HIP1: variants seen among roughly 807,000 people sequenced by gnomAD.
HIP1 encodes huntingtin-interacting protein 1.
In HIP1, 65 loss-of-function variants were observed where a neutral mutation model predicts 147.6. The ratio of observed to expected loss-of-function variants is 0.44; its 90% CI spans 0.36 to 0.54. HIP1 has a LOEUF of 0.54. HIP1 is among the 20% of genes least tolerant of loss of function. The pLI is 0.00. For synonymous variants in HIP1, 479 were observed against 504.0 expected (o/e 0.95, Z 0.67); for missense variants, 1,061 against 1,299.6 (o/e 0.82, Z 2.82).
At chr7:75,678,070 G>A (rs990061060) in intron 1 of HIP1, among the ~76,000 whole-genome samples, 21 of 151,862 alleles carry the variant, frequency 1.4e-4, no homozygotes, top group Admixed American at 4.6e-4. Context: ...CTTGCTTACT[G>A]TCTGATTTCT....
In HIP1 at chr7:75,719,806, C is replaced by G. The variant is rs115615928; in HGVS notation, c.120+18995G>C. 7.1e-3 allele frequency among the ~76,000 whole-genome samples: 1,076 copies of G among 152,254 alleles called. 13 individuals are homozygous for G. Among genetic ancestry groups the G allele is most frequent in the African/African-American group, 0.025 (1,028 of 41,568 alleles). On this transcript the variant is annotated intron_variant, in intron 1 of 30. Transcript: ENST00000336926. ...TCTCTGTAAAACAGTCTGCCTGATA[C>G]CCATAGCAGGTAAACTGTCTGGTTC... is the stretch of plus-strand genomic sequence containing the variant.
At chr7:75,576,625 G>C (rs900458952) in intron 7 of HIP1, among the ~76,000 whole-genome samples, 7 of 152,164 alleles carry the variant, frequency 4.6e-5, no homozygotes, top group Non-Finnish European at 8.8e-5. Context: ...AGGAGGCTGA[G>C]GCACAAGAAT....
intron 1 of HIP1, among the ~76,000 whole-genome samples, chr7:75,615,503 G>T (rs1013479341): frequency 1.3e-5 from 2 of 151,448 alleles, no homozygotes; most frequent in Non-Finnish European, 2.9e-5. Context: ...AGTGAGCTAT[G>T]ACTGTGCCAC....
At chr7:75,594,009 C>G (rs71560477) in intron 2 of HIP1, among the ~76,000 whole-genome samples, 1 of 151,218 alleles carries the variant, frequency 6.6e-6, no homozygotes, top group African/African-American at 2.4e-5. Context: ...GGGTGGAGCG[C>G]GGTGGCTCAC....
intron 1 of HIP1, among the ~76,000 whole-genome samples, chr7:75,629,627 C>CG (rs1798148149): frequency 6.6e-6 from 1 of 151,956 alleles, no homozygotes; most frequent in South Asian, 2.1e-4. Flanking sequence ...ACTGCAACCT[C>CG]CGCCTCCCAG....
At chr7:75,725,309 C>A (rs1410457471) in intron 1 of HIP1, among the ~76,000 whole-genome samples, 1 of 152,064 alleles carries the variant, frequency 6.6e-6, no homozygotes, top group Non-Finnish European at 1.5e-5. Context: ...TACAGGCATG[C>A]GGCACCATGC....
chr7:75,548,963 C>T lies in HIP1; in HGVS notation c.2334G>A (p.Glu778=). Residue 778 remains glutamate, a synonymous_variant, in exon 23 of 31, where the codon GAG becomes GAA. Coordinates refer to ENST00000336926, the MANE Select transcript of HIP1 (RefSeq NM_005338.7). The part of the protein sequence containing the change: ...LPRGLDIKQE[E]LGDLVDKEMA... ...TCTCCTTGTCCACCAGGTCCCCCAG[C>T]TCCTCCTGCTTGATGTCCAGTCCCC... 6.2e-7 allele frequency: 1 copy of T among 1,614,112 alleles called. No individual in the cohort carries two copies. The highest frequency in any genetic ancestry group is 2.2e-5 in the East Asian group (1 of 44,884).
chr7:75,595,187 C>CCTTTCTTTCTTT lies in HIP1; in HGVS notation c.185-2685_185-2674dup, dbSNP rs587760351. Among the ~76,000 whole-genome samples the CCTTTCTTTCTTT allele has an allele frequency of 3.2e-3, 352 of 108,466 alleles. 6 individuals carry two copies. Among genetic ancestry groups the CCTTTCTTTCTTT allele is most frequent in the Admixed American group, 4.5e-3 (45 of 9,964 alleles). The allele number at this position is 108,466 out of a possible 152,430, so 71.2% of individuals were successfully genotyped here. ...TAAAATCAGCTTTTGGTGTAGGAGTCCTTTCTTTCTTTCTTTCTTTCTTTC... is the reference window on the plus strand; with the variant it reads ...TAAAATCAGCTTTTGGTGTAGGAGTCCTTTCTTTCTTTCTTTCTTTCTTTCTTTCTTTCTTTC... On this transcript the variant is annotated intron_variant, in intron 2 of 30. Coordinates refer to ENST00000336926, the MANE Select transcript of HIP1 (RefSeq NM_005338.7).
intron 1 of HIP1, among the ~76,000 whole-genome samples, chr7:75,678,455 G>A (rs143031444): frequency 0.01 from 1,518 of 144,850 alleles, 36 homozygotes; most frequent in African/African-American, 0.037. Context: ...GGGATTCCCC[G>A]GCCTCAGCCT....
At chr7:75,565,774 C>T (rs1795380281) in intron 9 of HIP1, among the ~76,000 whole-genome samples, 1 of 151,058 alleles carries the variant, frequency 6.6e-6, no homozygotes, top group African/African-American at 2.4e-5. Context: ...CTCTGTTGCC[C>T]AAGCTGTAGT....
intron 1 of HIP1, among the ~76,000 whole-genome samples, chr7:75,630,761 T>C (rs1798185734): frequency 6.6e-6 from 1 of 152,180 alleles, no homozygotes; most frequent in South Asian, 2.1e-4. Flanking sequence ...CCACATGTAT[T>C]GCAACTACTA....
intron 1 of HIP1, among the ~76,000 whole-genome samples, chr7:75,666,060 T>C (rs765243789): frequency 2.4e-4 from 36 of 151,908 alleles, no homozygotes; most frequent in Non-Finnish European, 4.7e-4. Context: ...TGCACAGAGG[T>C]GGCTGCCTCT....
Position 75,542,880 on chromosome 7 carries a change from A to G in HIP1, c.2861T>C (p.Ile954Thr), listed in dbSNP as rs587705348. Reference protein sequence around the residue: ...QATAGVVASTISGKSQIEETD... With the variant: ...QATAGVVASTTSGKSQIEETD... ...CTCTTCGATCTGTGATTTGCCGGAAATGGTTGAGGCCACAACGCCGGCAGT... is the reference window on the plus strand; with the variant it reads ...CTCTTCGATCTGTGATTTGCCGGAAGTGGTTGAGGCCACAACGCCGGCAGT... Residue 954 changes from isoleucine (I) to threonine (T), a missense_variant, in exon 28 of 31, where the codon ATT becomes ACT. Around this residue, in one of 3 missense-constraint regions of HIP1, gnomAD observed 810 missense variants for 946.8 expected, o/e 0.86. Transcript: ENST00000336926. 3 of 1,614,082 alleles carry G rather than the reference A, an allele frequency of 1.9e-6. No individual in the cohort carries two copies. The highest frequency in any genetic ancestry group is 2.2e-5 in the East Asian group (1 of 44,876).
intron 1 of HIP1, among the ~76,000 whole-genome samples, chr7:75,682,212 T>C (rs1800108691): frequency 6.6e-6 from 1 of 151,088 alleles, no homozygotes; most frequent in South Asian, 2.1e-4. Flanking sequence ...CCACCTGGCC[T>C]CCCAAAGTGC....
At chr7:75,648,312 T>C (rs1489857324) in intron 1 of HIP1, among the ~76,000 whole-genome samples, 2 of 151,880 alleles carry the variant, frequency 1.3e-5, no homozygotes, top group East Asian at 3.9e-4. Context: ...TGGGGCTGAT[T>C]GGAGTAGCTG....
In HIP1 at chr7:75,557,713, G is replaced by T; in HGVS notation, c.1522C>A (p.Arg508=). Residue 508 remains arginine (R), a synonymous_variant, in exon 16 of 31, where the codon CGA becomes AGA. Transcript: ENST00000336926. ...GAATCCTCCAGCTCTTTTTTCTCTC[G>T]TTCCAAATCTACCTGGGCTTGTCTG... ...MARQAQVDLE[R]EKKELEDSLE... 6.2e-7 allele frequency: 1 copy of T among 1,613,848 alleles called. No individual in the cohort carries two copies. The highest frequency in any genetic ancestry group is 1.1e-5 in the South Asian group (1 of 91,070).
chr7:75,636,891 C>T (rs1798444191), intron 1 of HIP1, among the ~76,000 whole-genome samples: 1 of 152,140 alleles, frequency 6.6e-6, no homozygotes, highest in Non-Finnish European at 1.5e-5. Flanking sequence ...TCGATGTTTC[C>T]TGATTTCAAA....
intron 1 of HIP1, among the ~76,000 whole-genome samples, chr7:75,669,018 G>A (rs888851790): frequency 2.6e-5 from 4 of 151,048 alleles, no homozygotes; most frequent in Non-Finnish European, 5.9e-5. Flanking sequence ...AGGAGTTGGA[G>A]ACCAGCCTGG....
At chr7:75,696,442 A>ATT (rs1800635521) in intron 1 of HIP1, among the ~76,000 whole-genome samples, 1 of 151,528 alleles carries the variant, frequency 6.6e-6, no homozygotes, top group South Asian at 2.1e-4. Flanking sequence ...CCATTCTGCT[A>ATT]CTTTAGCTAA....
Sources: gnomAD v4.1 joint callset for allele counts (sites outside exome capture counted in the v4.1 genomes callset) on GRCh38, gnomAD v4.1.1 for gene constraint, gnomAD v4.1.1 regional missense constraint, MANE v1.5 for transcripts, NCBI Gene and HGNC (gene_info 2026-07-23, HGNC 2026-07-21) for gene names.